Variants in COL25A1 observed in about 807,000 individuals in gnomAD.
COL25A1 encodes the protein collagen type XXV alpha 1 chain.
Under a neutral mutation model 128.4 loss-of-function variants are expected in COL25A1, and 103 were observed. That is an observed-to-expected ratio of 0.80 (90% CI 0.68 to 0.94). The LOEUF is 0.94. Among genes scored for constraint, COL25A1 ranks in the 40% least tolerant of loss-of-function variants. The pLI is 0.00. For synonymous variants in COL25A1, 279 were observed against 277.2 expected, an observed-to-expected ratio of 1.01 and a Z score of -0.06; for missense variants, 745 against 840.0, an observed-to-expected ratio of 0.89 and a Z score of 1.40.
intron 5 of COL25A1, among the ~76,000 whole-genome samples, chr4:109,035,234 C>A (rs182398969): frequency 2.9e-4 from 44 of 152,300 alleles, no homozygotes; most frequent in African/African-American, 1.1e-3. Flanking sequence ...AAGCAAGAAA[C>A]CTTCTAATGT....
At chr4:109,202,806 T>C (rs1215284565) in intron 3 of COL25A1, among the ~76,000 whole-genome samples, 1 of 152,158 alleles carries the variant, frequency 6.6e-6, no homozygotes, top group Non-Finnish European at 1.5e-5. Context: ...TATAGAGATA[T>C]CTAGCTATAT....
chr4:108,977,940 T>C (rs568984815), intron 6 of COL25A1, among the ~76,000 whole-genome samples: 1 of 152,214 alleles, frequency 6.6e-6, no homozygotes, highest in South Asian at 2.1e-4. Context: ...ACAGGCCACA[T>C]CTCCCATTGT....
At chr4:109,010,885 TA>T (rs1481794742) in intron 5 of COL25A1, among the ~76,000 whole-genome samples, 1 of 152,240 alleles carries the variant, frequency 6.6e-6, no homozygotes, top group Non-Finnish European at 1.5e-5. Context: ...TAAGTTAATT[TA>T]AAAAATAAAC....
chr4:108,861,475 T>A (rs1477806959), intron 22 of COL25A1, among the ~76,000 whole-genome samples: 1 of 152,142 alleles, frequency 6.6e-6, no homozygotes, highest in Non-Finnish European at 1.5e-5. Flanking sequence ...ATGATGGGGA[T>A]CTAAGGAAAA....
chr4:108,881,725 C>T (rs1210851753), intron 19 of COL25A1, among the ~76,000 whole-genome samples: 3 of 152,074 alleles, frequency 2.0e-5, no homozygotes, highest in African/African-American at 7.2e-5. Flanking sequence ...TATAAATATC[C>T]AATGACCACT....
chr4:109,277,370 T>G (rs1722943430), intron 3 of COL25A1, among the ~76,000 whole-genome samples: 1 of 152,184 alleles, frequency 6.6e-6, no homozygotes. Flanking sequence ...AGTCACAGAT[T>G]ACAAGCAGTT....
intron 19 of COL25A1, among the ~76,000 whole-genome samples, chr4:108,874,364 C>T (rs939361128): frequency 5.9e-5 from 9 of 152,082 alleles, no homozygotes; most frequent in Non-Finnish European, 1.0e-4. Flanking sequence ...ATTATCCACA[C>T]GTATTTGTCT....
At chr4:109,110,258 G>T (rs1766877232) in intron 3 of COL25A1, among the ~76,000 whole-genome samples, 1 of 152,120 alleles carries the variant, frequency 6.6e-6, no homozygotes, top group Admixed American at 6.6e-5. Context: ...TCTGTACCCA[G>T]CGTTGATCTT....
At chr4:109,044,182 A>G (rs3108941) in intron 5 of COL25A1, among the ~76,000 whole-genome samples, 76,149 of 151,506 alleles carry the variant, frequency 0.5, 21,205 homozygotes, top group African/African-American at 0.73. Flanking sequence ...AAAGCTTCCT[A>G]GAGAATAAAT....
At chr4:108,832,691 C>G (rs984765523) in intron 31 of COL25A1, 135 of 335,788 alleles carry the variant, frequency 4.0e-4, no homozygotes, top group Non-Finnish European at 2.1e-5. Context: ...ATATCTTTTT[C>G]CTCTGACTAA....
intron 3 of COL25A1, among the ~76,000 whole-genome samples, chr4:109,197,440 A>AT (rs1560850408): frequency 5.6e-5 from 7 of 123,962 alleles, no homozygotes; most frequent in Non-Finnish European, 1.1e-4. Flanking sequence ...AATATTATAT[A>AT]TTATATATAT....
intron 3 of COL25A1, among the ~76,000 whole-genome samples, chr4:109,234,647 C>T (rs771695656): frequency 6.6e-6 from 1 of 152,000 alleles, no homozygotes; most frequent in Admixed American, 6.6e-5. Flanking sequence ...AGAATAAGGA[C>T]CTCCCAAAAT....
chr4:108,822,125 C>A (rs1731843958), intron 35 of COL25A1, among the ~76,000 whole-genome samples: 1 of 143,380 alleles, frequency 7.0e-6, no homozygotes, highest in African/African-American at 2.6e-5. Flanking sequence ...CTCACTGCAA[C>A]CTCTGCCTCC....
intron 35 of COL25A1, among the ~76,000 whole-genome samples, chr4:108,820,312 T>C (rs1323659735): frequency 6.6e-6 from 1 of 152,200 alleles, no homozygotes; most frequent in Non-Finnish European, 1.5e-5. Context: ...ACCTTGCTTT[T>C]TTCTAATCCT....
chr4:108,981,354 A>G (rs2125996917), intron 6 of COL25A1, among the ~76,000 whole-genome samples: 1 of 152,324 alleles, frequency 6.6e-6, no homozygotes, highest in South Asian at 2.1e-4. Context: ...TTCTTCTTCA[A>G]ACCACTAAGT....
chr4:109,297,755 C>A lies in COL25A1; in HGVS notation c.367+2828G>T, dbSNP rs536918854. Among the ~76,000 whole-genome samples, 38 of 149,856 alleles carry A rather than the reference C, an allele frequency of 2.5e-4. 1 individual carries two copies. The South Asian group carries it at 4.9e-3, about 19-fold the overall frequency. ...GCAGAGCTAAGTAGCATATAATATA[C>A]TAAAAAGAATAGTAATTACTATTGT... On this transcript the variant is annotated intron_variant, in intron 3 of 37. Transcript: ENST00000399132.
chr4:108,976,301 T>C (rs911441121), intron 6 of COL25A1, among the ~76,000 whole-genome samples: 45 of 152,220 alleles, frequency 3.0e-4, no homozygotes, highest in African/African-American at 1.0e-3. Flanking sequence ...TTTTTAAAAA[T>C]GTGGATATCA....
At position 109,256,085 on chromosome 4, in the gene COL25A1, G is replaced by GGTGTGTGTGTGTGTGTGTGT. The variant is rs60794002; in HGVS notation, c.367+44478_367+44497dup. Among the ~76,000 whole-genome samples the GGTGTGTGTGTGTGTGTGTGT allele has an allele frequency of 4.4e-3, 634 of 143,316 alleles. 6 individuals are homozygous for GGTGTGTGTGTGTGTGTGTGT. The highest frequency in any genetic ancestry group is 0.016 in the African/African-American group (610 of 37,894). 94.0% of individuals were successfully genotyped at this position (143,316 alleles called of 152,430 possible). Reference sequence around the variant, plus strand: ...TGTGGATATTAACATTTTAAGCATTGGTGTGTGTGTGTGTGTGTGTGTGTG... The same window carrying GGTGTGTGTGTGTGTGTGTGT: ...TGTGGATATTAACATTTTAAGCATTGGTGTGTGTGTGTGTGTGTGTGTGTGTGTGTGTGTGTGTGTGTGTG... On this transcript the variant is annotated intron_variant, in intron 3 of 37. Transcript: ENST00000399132.
At chr4:109,177,196 C>G (rs1211981416) in intron 3 of COL25A1, among the ~76,000 whole-genome samples, 1 of 152,140 alleles carries the variant, frequency 6.6e-6, no homozygotes, top group East Asian at 1.9e-4. Flanking sequence ...TCTGTATTGG[C>G]CTAGATCAGA....
Sources: gnomAD v4.1 joint callset for allele counts (sites outside exome capture counted in the v4.1 genomes callset) on GRCh38, gnomAD v4.1.1 for gene constraint, MANE v1.5 for transcripts, NCBI Gene and HGNC (gene_info 2026-07-23, HGNC 2026-07-21) for gene names.